Variants in ACOT12 observed in about 807,000 individuals in gnomAD.
The protein encoded by ACOT12 is acyl-CoA thioesterase 12.
Under a neutral mutation model 67.7 loss-of-function variants are expected in ACOT12, and 51 were observed. That is an observed-to-expected ratio of 0.75 (90% CI 0.60 to 0.95). The LOEUF (loss-of-function observed/expected upper bound fraction) is 0.95. Ranked by LOEUF, ACOT12 falls within the 40% of genes least tolerant of loss-of-function variation. The pLI is 0.00. For missense variants in ACOT12, 734 were observed against 708.1 expected (o/e 1.04, Z -0.41); for synonymous variants, 251 against 244.6 (o/e 1.03, Z -0.24).
intron 13 of ACOT12, 99 bp downstream of exon 13, chr5:81,332,378 C>A: frequency 7.7e-7 from 1 of 1,296,518 alleles, no homozygotes. Context: ...AATTCAAGAG[C>A]AGAAATATCT....
chr5:81,364,366 CGT>C (rs1760010409), intron 3 of ACOT12, among the ~76,000 whole-genome samples: 1 of 150,892 alleles, frequency 6.6e-6, no homozygotes, highest in African/African-American at 2.4e-5. Context: ...ACATGAAATA[CGT>C]GTGTGTATAT....
chr5:81,394,103 C>G lies in ACOT12; in HGVS notation c.12G>C (p.Pro4=). The G allele has an allele frequency of 1.4e-6, 2 of 1,453,672 alleles. No individual in the cohort carries two copies. Among genetic ancestry groups the G allele is most frequent in the Non-Finnish European group, 1.8e-6 (2 of 1,107,822 alleles). The allele number at this position is 1,453,672 out of a possible 1,614,324, so 90.0% of individuals were successfully genotyped here. A position where few individuals can be genotyped will look rare whatever the true frequency, so the allele number is the denominator to read the frequency against. The part of the protein sequence containing the change: MER[P]APGEVVMSQA... ...GGCTCATGACCACCTCGCCGGGCGC[C>G]GGCCGCTCCATGGCCAGGGCGAGAG... The change falls in exon 1 of 15, where the codon CCG becomes CCC. Residue 4 remains proline, a synonymous_variant. Coordinates refer to ENST00000307624, the MANE Select transcript of ACOT12 (RefSeq NM_130767.3).
rs1223115785 is a variant in ACOT12, at chr5:81,386,994, CATTTTTTTTTT to C, written c.128-1179_128-1169del. Among the ~76,000 whole-genome samples, 447 of 128,476 alleles carry C rather than the reference CATTTTTTTTTT, an allele frequency of 3.5e-3. 2 individuals are homozygous for C. Among genetic ancestry groups the C allele is most frequent in the African/African-American group, 0.014 (429 of 30,836 alleles). The allele number at this position is 128,476 out of a possible 152,430, so 84.3% of individuals were successfully genotyped here. A position where few individuals can be genotyped will look rare whatever the true frequency, so the allele number is the denominator to read the frequency against. On this transcript the variant is annotated intron_variant, in intron 1 of 14. Coordinates refer to ENST00000307624, the MANE Select transcript of ACOT12 (RefSeq NM_130767.3). ...TCCAGACACTGAGTTGGATGAGTTC[CATTTTTTTTTT>C]TTTTTTTTTTTTTCTTTTTTCAGAT...
rs567264033 is a variant in ACOT12, at chr5:81,375,366, G to T, written c.198-3556C>A. 3.6e-4 allele frequency among the ~76,000 whole-genome samples: 55 copies of T among 152,180 alleles called. 1 individual carries two copies. The South Asian group carries it at 8.9e-3, about 25-fold the overall frequency. Reference sequence around the variant, plus strand: ...GCACCAAACATGGAAAGGAACAACCGGTACCAGCCACTCCAAAAACATATC... The same window carrying T: ...GCACCAAACATGGAAAGGAACAACCTGTACCAGCCACTCCAAAAACATATC... On this transcript the variant is annotated intron_variant, in intron 2 of 14. Transcript: ENST00000307624.
At chr5:81,372,474 T>C (rs1380405645) in intron 2 of ACOT12, among the ~76,000 whole-genome samples, 1 of 152,248 alleles carries the variant, frequency 6.6e-6, no homozygotes, top group African/African-American at 2.4e-5. Flanking sequence ...TTTGCTCTTC[T>C]GTTTCAGGGA....
chr5:81,371,123 T>C (rs537785076), intron 3 of ACOT12, among the ~76,000 whole-genome samples: 1 of 152,334 alleles, frequency 6.6e-6, no homozygotes, highest in South Asian at 2.1e-4. Context: ...AGAGTCAGCA[T>C]AATTAAGAAA....
downstream of ACOT12, among the ~76,000 whole-genome samples, chr5:81,328,206 G>A (rs1758721303): frequency 6.6e-6 from 1 of 152,062 alleles, no homozygotes; most frequent in Non-Finnish European, 1.5e-5. Context: ...TGTCCCTCAA[G>A]GAAGCCTACA....
At chr5:81,345,506 T>C (rs1160390972) in intron 7 of ACOT12, among the ~76,000 whole-genome samples, 3 of 152,006 alleles carry the variant, frequency 2.0e-5, no homozygotes, top group East Asian at 1.9e-4. Context: ...TCAAGAATAA[T>C]AAAAATAACT....
At chr5:81,320,190 G>A in the ACOT12 span, among the ~76,000 whole-genome samples, 38,761 of 152,056 alleles carry the variant, frequency 0.25, 5,441 homozygotes, top group Middle Eastern at 0.38. Flanking sequence ...AACCTACAGA[G>A]GCCAGATATT....
the ACOT12 span, among the ~76,000 whole-genome samples, chr5:81,311,958 C>T: frequency 0.012 from 1,851 of 152,176 alleles, 29 homozygotes; most frequent in African/African-American, 0.043. Context: ...TTTTATTTCA[C>T]GTAGTCACAA....
chr5:81,312,611 A>C, the ACOT12 span: 1 of 1,614,002 alleles, frequency 6.2e-7, no homozygotes, highest in South Asian at 1.1e-5. Flanking sequence ...TTTTGGATGT[A>C]CCTAAACCGC....
chr5:81,341,120 A>G (rs1480631369), intron 11 of ACOT12, among the ~76,000 whole-genome samples: 1 of 152,360 alleles, frequency 6.6e-6, no homozygotes, highest in East Asian at 1.9e-4. Flanking sequence ...CTCAGATGCC[A>G]GCAATGATGA....
chr5:81,360,083 TA>T (rs753664406), intron 4 of ACOT12, 45 bp from the exon 5 acceptor site: 1 of 1,569,662 alleles, frequency 6.4e-7, no homozygotes, highest in East Asian at 2.3e-5. Context: ...TGTTAAATTA[TA>T]AAAGCACAGC....
chr5:81,337,413 G>A (rs988816049), intron 11 of ACOT12, among the ~76,000 whole-genome samples: 3 of 152,220 alleles, frequency 2.0e-5, no homozygotes, highest in Middle Eastern at 3.4e-3. Context: ...ATATGCTGTA[G>A]CCCCAACCTC....
At chr5:81,344,029 C>A in intron 9 of ACOT12, 131 bp downstream of exon 9, 2 of 1,237,958 alleles carry the variant, frequency 1.6e-6, no homozygotes, top group African/African-American at 1.5e-5. Flanking sequence ...CAGTAGTCAG[C>A]CTTTGCGGCC....
chr5:81,324,156 G>C, the ACOT12 span, among the ~76,000 whole-genome samples: 28,429 of 151,846 alleles, frequency 0.19, 2,823 homozygotes, highest in Admixed American at 0.27. Context: ...GGCCAGGATG[G>C]TCTCGAACTC....
At chr5:81,380,564 A>G (rs1480655347) in intron 2 of ACOT12, among the ~76,000 whole-genome samples, 51 of 123,430 alleles carry the variant, frequency 4.1e-4, no homozygotes, top group South Asian at 1.2e-3. Context: ...ACTGTCTTAG[A>G]AAAAAAAAAA....
chr5:81,337,076 C>T (rs1759027635), intron 11 of ACOT12, among the ~76,000 whole-genome samples: 1 of 152,164 alleles, frequency 6.6e-6, no homozygotes, highest in African/African-American at 2.4e-5. Flanking sequence ...GAGACACACC[C>T]TACTTAGCAT....
chr5:81,310,702 G>T, the ACOT12 span, among the ~76,000 whole-genome samples: 1 of 152,190 alleles, frequency 6.6e-6, no homozygotes, highest in South Asian at 2.1e-4. Flanking sequence ...TGCCTGGCCA[G>T]TGGAAGGCAC....
Sources: gnomAD v4.1 joint callset for allele counts (sites outside exome capture counted in the v4.1 genomes callset) on GRCh38, gnomAD v4.1.1 for gene constraint, MANE v1.5 for transcripts, NCBI Gene and HGNC (gene_info 2026-07-23, HGNC 2026-07-21) for gene names.